Variants in CDK11B observed in about 807,000 individuals in gnomAD.
CDK11B encodes cyclin dependent kinase 11B.
CDK11B carries 37 observed loss-of-function variants against 84.0 expected under a neutral mutation model. The ratio of observed to expected loss-of-function variants is 0.44; its 90% CI spans 0.34 to 0.58. CDK11B has a LOEUF of 0.58. Ranked by LOEUF, CDK11B falls within the 20% of genes least tolerant of loss-of-function variation. The pLI, the probability that CDK11B is intolerant of heterozygous loss-of-function variation, is 0.02. For missense variants in CDK11B, 427 were observed against 834.0 expected (o/e 0.51, Z 6.01); for synonymous variants, 269 against 309.8 (o/e 0.87, Z 1.38).
chr1:1,635,571 G>A lies in CDK11B; in HGVS notation c.*193C>T, dbSNP rs1263145126. 7 of 496,082 alleles carry A rather than the reference G, an allele frequency of 1.4e-5. 1 individual carries two copies. The highest frequency in any genetic ancestry group is 6.2e-5 in the African/African-American group (2 of 32,260). 30.7% of individuals were successfully genotyped at this position (496,082 alleles called of 1,614,324 possible). The stretch of plus-strand genomic sequence containing the variant: ...ACCCTCTCCGCCCTGGGCAAGTCAC[G>A]GAGAAAACACAGCTCTTTCCTCCAC... On this transcript the variant is annotated 3_prime_UTR_variant, in exon 20 of 20. Transcript: ENST00000341832.
In CDK11B at chr1:1,636,948, C is replaced by T. The variant is rs200964630; in HGVS notation, c.1749G>A (p.Pro583=). 594 of 1,608,212 alleles carry T rather than the reference C, an allele frequency of 3.7e-4. 3 individuals carry two copies. Among genetic ancestry groups the T allele is most frequent in the South Asian group, 7.3e-4 (66 of 90,564 alleles). The change falls in exon 16 of 20, where the codon CCG becomes CCA. Residue 583 remains proline, a synonymous_variant. Transcript: ENST00000341832. ...EYGSPLKAYT[P]VVVTLWYRAP... The stretch of plus-strand genomic sequence containing the variant: ...CGCGGTACCACAGGGTCACCACGAC[C>T]GGGGTGTAGGCCTTCAGAGGGGATC...
chr1:1,637,942 G>C, intron 12 of CDK11B, 59 bp from the exon 13 acceptor site: 1 of 1,606,910 alleles, frequency 6.2e-7, no homozygotes, highest in Non-Finnish European at 8.5e-7. Context: ...TACCAACAGT[G>C]GACTCGTTCA....
chr1:1,649,831 T>C (rs1286975643), intron 4 of CDK11B, among the ~76,000 whole-genome samples, 194 bp from the exon 5 acceptor site: 8 of 149,910 alleles, frequency 5.3e-5, no homozygotes, highest in African/African-American at 1.5e-4. Flanking sequence ...AAAAATTAGC[T>C]GGGCGTGGTG....
At chr1:1,641,236 C>A in intron 9 of CDK11B, 123 bp from the exon 10 acceptor site, 1 of 1,498,650 alleles carries the variant, frequency 6.7e-7, no homozygotes, top group Non-Finnish European at 9.1e-7. Flanking sequence ...AGGCCGGGCG[C>A]GGTGGCTCAC....
At chr1:1,650,817 A>G (rs1220668314) in intron 4 of CDK11B, among the ~76,000 whole-genome samples, 1 of 151,902 alleles carries the variant, frequency 6.6e-6, no homozygotes, top group Non-Finnish European at 1.5e-5. Flanking sequence ...TTTATGTTAA[A>G]TAAAAAACTT....
intron 3 of CDK11B, among the ~76,000 whole-genome samples, chr1:1,654,513 G>A (rs1642459876): frequency 6.6e-6 from 1 of 152,010 alleles, no homozygotes; most frequent in South Asian, 2.1e-4. Context: ...GAACTCCTGG[G>A]CTGAAGTGAT....
chr1:1,653,838 A>ACC (rs1349705348), intron 3 of CDK11B, among the ~76,000 whole-genome samples: 3 of 147,812 alleles, frequency 2.0e-5, no homozygotes, highest in Non-Finnish European at 3.0e-5. Flanking sequence ...ACACACACAC[A>ACC]CACACACACA....
At position 1,637,813 on chromosome 1, in the gene CDK11B, C is replaced by T; in HGVS notation, c.1413G>A (p.Arg471=). 1 of 1,613,270 alleles carries T rather than the reference C, an allele frequency of 6.2e-7. No individual in the cohort carries two copies. The highest frequency in any genetic ancestry group is 8.5e-7 in the Non-Finnish European group (1 of 1,179,524). The stretch of plus-strand genomic sequence containing the variant: ...GGGCCTTGAGGATGGTGTTGATCTC[C>T]CTCAGCGACGTGATCGGGAAGCCCT... ...EKEGFPITSL[R]EINTILKAQH... Residue 471 remains arginine, a synonymous_variant, in exon 13 of 20, where the codon AGG becomes AGA. Coordinates refer to ENST00000341832, the MANE Select transcript of CDK11B (RefSeq NM_033486.3).
intron 1 of CDK11B, among the ~76,000 whole-genome samples, chr1:1,658,316 CAT>C (rs1450458170): frequency 6.7e-6 from 1 of 148,330 alleles, no homozygotes; most frequent in Non-Finnish European, 1.5e-5. Flanking sequence ...TGCGCTGCAG[CAT>C]GGGCGACAAA....
chr1:1,637,949 T>A lies in CDK11B; in HGVS notation c.1343-66A>T, dbSNP rs1639633635. 7.5e-6 allele frequency: 12 copies of A among 1,601,922 alleles called. No homozygotes were observed. In the South Asian group the frequency reaches 1.0e-4, roughly 13 times the overall value. On this transcript the variant is annotated intron_variant, in intron 12 of 19. Coordinates refer to ENST00000341832, the MANE Select transcript of CDK11B (RefSeq NM_033486.3). ...AGTCACGGTACCAACAGTGGACTCGTTCAGTGAGGACCGCAGGCAGTGCCC... is the reference window on the plus strand; with the variant it reads ...AGTCACGGTACCAACAGTGGACTCGATCAGTGAGGACCGCAGGCAGTGCCC...
intron 9 of CDK11B, among the ~76,000 whole-genome samples, 156 bp from the exon 10 acceptor site, chr1:1,641,269 G>C (rs1365748026): frequency 2.0e-5 from 3 of 147,096 alleles, no homozygotes; most frequent in Admixed American, 6.7e-5. Context: ...AGCGCTTTGG[G>C]AGGCCAAGGC....
At chr1:1,658,159 C>CAA (rs201470198) in intron 1 of CDK11B, among the ~76,000 whole-genome samples, 8 of 119,898 alleles carry the variant, frequency 6.7e-5, no homozygotes, top group African/African-American at 1.1e-4. Flanking sequence ...GACCCCGTCT[C>CAA]AAAAAAAAAA....
At chr1:1,643,563 C>T (rs1640575757) in intron 6 of CDK11B, among the ~76,000 whole-genome samples, 1 of 147,850 alleles carries the variant, frequency 6.8e-6, no homozygotes, top group South Asian at 2.1e-4. Context: ...CTGTCTTAAC[C>T]TTCAGTTCCT....
rs923306978 is a variant in CDK11B at position 1,640,199 on chromosome 1, G to A, written c.1251+78C>T. On this transcript the variant is annotated intron_variant, in intron 11 of 19. Coordinates refer to ENST00000341832, the MANE Select transcript of CDK11B (RefSeq NM_033486.3). ...GTGAGGCGACAGACGCCAACACGGG[G>A]GCCAGGCTTCGCTCAGCCCCTGTGG... The A allele has an allele frequency of 3.3e-6, 5 of 1,530,912 alleles. No homozygotes were observed. In the African/African-American group the frequency reaches 6.8e-5, roughly 21 times the overall value. 94.8% of individuals were successfully genotyped at this position (1,530,912 alleles called of 1,614,324 possible). A position where few individuals can be genotyped will look rare whatever the true frequency, so the allele number is the denominator to read the frequency against.
In CDK11B at chr1:1,636,560, C is replaced by T. The variant is rs562847409; in HGVS notation, c.1918-79G>A. ...CCTGTGTCCCGTCAGAGAAGACAAG[C>T]CACCAGGAGGGCTCTCAGTGGCCCT... On this transcript the variant is annotated intron_variant, in intron 17 of 19. Coordinates refer to ENST00000341832, the MANE Select transcript of CDK11B (RefSeq NM_033486.3). 1.7e-5 allele frequency: 26 copies of T among 1,571,914 alleles called. No homozygotes were observed. In the African/African-American group the frequency reaches 3.2e-4, roughly 20 times the overall value.
chr1:1,640,719 C>T (rs1252089658), intron 10 of CDK11B, among the ~76,000 whole-genome samples: 1 of 152,238 alleles, frequency 6.6e-6, no homozygotes, highest in African/African-American at 2.4e-5. Flanking sequence ...AGGCTGAGGA[C>T]ATAACCTCAC....
intron 12 of CDK11B, 115 bp from the exon 13 acceptor site, chr1:1,637,998 G>A (rs2100690124): frequency 3.3e-6 from 5 of 1,520,796 alleles, no homozygotes; most frequent in African/African-American, 1.4e-5. Context: ...TTCACGGAGG[G>A]GGGTCTCGTT....
At chr1:1,653,290 T>C (rs897970315) in intron 3 of CDK11B, among the ~76,000 whole-genome samples, 1 of 152,150 alleles carries the variant, frequency 6.6e-6, no homozygotes, top group African/African-American at 2.4e-5. Flanking sequence ...CCCAAAGTGC[T>C]GGGATTACAG....
chr1:1,638,940 T>C (rs1313119096), intron 11 of CDK11B, among the ~76,000 whole-genome samples: 6 of 139,004 alleles, frequency 4.3e-5, no homozygotes, highest in African/African-American at 1.8e-4. Context: ...GTTTTCTATT[T>C]TTTTTTTTTT....
Sources: gnomAD v4.1 joint callset for allele counts (sites outside exome capture counted in the v4.1 genomes callset) on GRCh38, gnomAD v4.1.1 for gene constraint, MANE v1.5 for transcripts, NCBI Gene and HGNC (gene_info 2026-07-23, HGNC 2026-07-21) for gene names.